Variants in ANK2 observed in about 807,000 individuals in gnomAD.
The protein encoded by ANK2 is ankyrin-2.
ANK2 carries 83 observed loss-of-function variants against 360.5 expected under a neutral mutation model. The observed-to-expected ratio is 0.23, with a 90% CI of 0.19 to 0.28. ANK2 has a LOEUF of 0.28. Among genes scored for constraint, ANK2 ranks in the 10% least tolerant of loss-of-function variants. The probability of loss-of-function intolerance (pLI) is 1.00; values close to 1 mark genes in which losing one functional copy is unlikely to be tolerated. For synonymous variants in ANK2, 1,740 were observed against 1,759.5 expected, an observed-to-expected ratio of 0.99 and a Z score of 0.28; for missense variants, 4,201 against 4,795.7, an observed-to-expected ratio of 0.88 and a Z score of 3.66.
intron 45 of ANK2, among the ~76,000 whole-genome samples, chr4:113,374,048 C>A (rs934676966): frequency 6.6e-6 from 1 of 152,132 alleles, no homozygotes; most frequent in South Asian, 2.1e-4. Flanking sequence ...TTCAGCCTCC[C>A]GAGTAGCTGG....
intron 1 of ANK2, among the ~76,000 whole-genome samples, chr4:113,141,841 C>G (rs866657856): frequency 6.6e-6 from 1 of 152,150 alleles, no homozygotes; most frequent in African/African-American, 2.4e-5. Flanking sequence ...GAGAGGCTAG[C>G]CTTTGTTCTC....
chr4:113,036,832 A>C (rs910823922), intron 2 of ANK2, among the ~76,000 whole-genome samples: 2 of 151,866 alleles, frequency 1.3e-5, no homozygotes, highest in African/African-American at 4.8e-5. Flanking sequence ...AAAGTCTGGC[A>C]TGCTTACTAG....
Position 112,928,855 on chromosome 4 carries a change from G to GT in ANK2, c.21+24356dup, listed in dbSNP as rs1235507355. Among the ~76,000 whole-genome samples, 1,082 of 141,924 alleles carry GT rather than the reference G, an allele frequency of 7.6e-3. 6 individuals are homozygous for GT. The highest frequency in any genetic ancestry group is 0.028 in the East Asian group (136 of 4,918). 93.1% of individuals were successfully genotyped at this position (141,924 alleles called of 152,430 possible). On this transcript the variant is annotated intron_variant, in intron 2 of 30. Transcript: ENST00000503271. ...TTTAACCCACTCATCCCGTCTTTAG[G>GT]TTTTTTTTTTTTTTTAAGACAGAGT...
intron 20 of ANK2, among the ~76,000 whole-genome samples, chr4:113,291,009 C>A (rs1286009470): frequency 1.3e-5 from 2 of 152,144 alleles, no homozygotes; most frequent in African/African-American, 4.8e-5. Context: ...CCACAATGTC[C>A]ACTGATCTAT....
intron 13 of ANK2, among the ~76,000 whole-genome samples, chr4:113,261,033 G>C (rs2052568959): frequency 6.6e-6 from 1 of 152,180 alleles, no homozygotes; most frequent in Non-Finnish European, 1.5e-5. Context: ...ATGTAGCCCT[G>C]TCAGCAGAGT....
At chr4:112,970,663 A>G (rs755458744) in intron 2 of ANK2, among the ~76,000 whole-genome samples, 4 of 152,330 alleles carry the variant, frequency 2.6e-5, no homozygotes, top group Non-Finnish European at 2.9e-5. Context: ...GCTTATAACT[A>G]TATATACACA....
chr4:112,849,520 CCTT>C (rs1274585070), intron 1 of ANK2, among the ~76,000 whole-genome samples: 6 of 152,292 alleles, frequency 3.9e-5, no homozygotes, highest in South Asian at 2.1e-4. Context: ...TTCCATTTCT[CCTT>C]CTTCTTTGTT....
chr4:112,882,688 C>T (rs554752824), intron 1 of ANK2, among the ~76,000 whole-genome samples: 50 of 149,304 alleles, frequency 3.3e-4, no homozygotes, highest in African/African-American at 1.1e-3. Context: ...AGGTTTAATG[C>T]ATTAATAATA....
rs1461535852 is a variant in ANK2, at chr4:113,383,377, G to A, written c.*1906G>A. ...TTTGGCAGCCAAAATAAGAGAGGCC[G>A]ATGGTGAAACTTTTTGAGACACCCT... On this transcript the variant is annotated 3_prime_UTR_variant, in exon 46 of 46. Coordinates refer to ENST00000357077, the MANE Select transcript of ANK2 (RefSeq NM_001148.6). The A allele has an allele frequency of 6.6e-6, 1 of 152,608 alleles. No individual in the cohort carries two copies. Among genetic ancestry groups the A allele is most frequent in the East Asian group, 1.9e-4 (1 of 5,196 alleles). The allele number at this position is 152,608 out of a possible 1,614,324, so 9.5% of individuals were successfully genotyped here.
At chr4:112,885,552 T>G (rs1377408283) in intron 1 of ANK2, among the ~76,000 whole-genome samples, 5 of 148,824 alleles carry the variant, frequency 3.4e-5, no homozygotes, top group Non-Finnish European at 7.4e-5. Flanking sequence ...ATCCCAGCAC[T>G]TTGGGAGGCG....
At position 113,003,519 on chromosome 4, in the gene ANK2, T is replaced by C. The variant is rs78306475; in HGVS notation, c.21+99005T>C. On this transcript the variant is annotated intron_variant, in intron 2 of 30. Transcript: ENST00000503271. ...ATTAAATACTATAAAATGTAGAATATAGTATGGAATATGAAAAGAGACAAA... is the reference window on the plus strand; with the variant it reads ...ATTAAATACTATAAAATGTAGAATACAGTATGGAATATGAAAAGAGACAAA... Among the ~76,000 whole-genome samples, 33 of 152,262 alleles carry C rather than the reference T, an allele frequency of 2.2e-4. No homozygotes were observed. In the East Asian group the frequency reaches 3.9e-3, roughly 18 times the overall value.
At chr4:113,155,402 A>T (rs2097249754) in intron 1 of ANK2, among the ~76,000 whole-genome samples, 2 of 152,194 alleles carry the variant, frequency 1.3e-5, no homozygotes, top group African/African-American at 4.8e-5. Context: ...AGTCCATTTT[A>T]TAATGCTGGC....
chr4:112,856,064 G>T (rs1264193034), intron 1 of ANK2, among the ~76,000 whole-genome samples: 2 of 152,150 alleles, frequency 1.3e-5, no homozygotes, highest in African/African-American at 2.4e-5. Context: ...ACTCCACATA[G>T]AAATAGATTA....
At chr4:113,149,071 C>T (rs1283207118) in intron 1 of ANK2, 2 of 152,236 alleles carry the variant, frequency 1.3e-5, no homozygotes, top group Non-Finnish European at 2.9e-5. Flanking sequence ...CCATTTCCCC[C>T]TCCCTTTCCT....
Position 113,300,550 on chromosome 4 carries a change from GAC to G in ANK2, c.2476-2213_2476-2212del, listed in dbSNP as rs1312599954. ...AGGGCACACACAGTGCGTAGTGTAT[GAC>G]ACAGCACACACGATGCTCTAGGAGT... On this transcript the variant is annotated intron_variant, in intron 22 of 45. Transcript: ENST00000357077. 2.0e-5 allele frequency among the ~76,000 whole-genome samples: 3 copies of G among 152,286 alleles called. 1 individual carries two copies. In the East Asian group the frequency reaches 5.8e-4, roughly 29 times the overall value.
At chr4:112,928,958 T>G (rs2092889012) in intron 2 of ANK2, among the ~76,000 whole-genome samples, 1 of 151,872 alleles carries the variant, frequency 6.6e-6, no homozygotes, top group Non-Finnish European at 1.5e-5. Flanking sequence ...GTTCAAGTGA[T>G]TCTTCTGTCT....
intron 4 of ANK2, among the ~76,000 whole-genome samples, chr4:113,228,432 G>A (rs1176144139): frequency 6.6e-5 from 10 of 152,054 alleles, no homozygotes; most frequent in African/African-American, 2.2e-4. Flanking sequence ...GAGAACATAC[G>A]ATGTTTAGTT....
chr4:112,911,188 C>CTTT (rs751581640), intron 2 of ANK2, among the ~76,000 whole-genome samples: 3,351 of 73,934 alleles, frequency 0.045, 599 homozygotes, highest in East Asian at 0.31. Flanking sequence ...CAAGATGGTG[C>CTTT]TTTTTTTTTT....
intron 1 of ANK2, among the ~76,000 whole-genome samples, chr4:112,865,038 A>T (rs1305689992): frequency 2.7e-5 from 1 of 36,516 alleles, no homozygotes; most frequent in Admixed American, 3.2e-4. Flanking sequence ...TCTCAAAAAA[A>T]AAAAAAAAAA....
Sources: allele counts gnomAD v4.1 joint callset (sites outside exome capture counted in the v4.1 genomes callset), GRCh38; gene constraint gnomAD v4.1.1; transcripts MANE v1.5; gene names NCBI Gene and HGNC (gene_info 2026-07-23, HGNC 2026-07-21).